Variants in BCAS1 observed in about 807,000 individuals in gnomAD.
The protein encoded by BCAS1 is brain enriched myelin associated protein 1, also known as breast carcinoma-amplified sequence 1.
In BCAS1, 46 loss-of-function variants were observed where a neutral mutation model predicts 65.4. That is an observed-to-expected ratio of 0.70 (90% CI 0.55 to 0.90). BCAS1 has a LOEUF of 0.90. Ranked by LOEUF, BCAS1 falls within the 40% of genes least tolerant of loss-of-function variation. BCAS1 has a pLI of 0.00. For synonymous variants in BCAS1, 298 were observed against 293.5 expected (o/e 1.02, Z -0.16); for missense variants, 793 against 771.2 (o/e 1.03, Z -0.33).
intron 10 of BCAS1, among the ~76,000 whole-genome samples, chr20:53,960,338 G>C (rs1237816362): frequency 6.6e-6 from 1 of 151,894 alleles, no homozygotes; most frequent in Non-Finnish European, 1.5e-5. Context: ...ATTTCTTTGA[G>C]AGCCCTTGGA....
At chr20:54,014,998 C>T (rs1307141958) in intron 4 of BCAS1, among the ~76,000 whole-genome samples, 5 of 151,820 alleles carry the variant, frequency 3.3e-5, no homozygotes, top group Admixed American at 1.3e-4. Flanking sequence ...AATGTGAAGA[C>T]CAATACTAAA....
At chr20:54,041,360 A>G (rs2091987871) in intron 3 of BCAS1, among the ~76,000 whole-genome samples, 1 of 151,638 alleles carries the variant, frequency 6.6e-6, no homozygotes, top group Non-Finnish European at 1.5e-5. Context: ...GAAGAATTAG[A>G]TAAATAAACA....
At chr20:54,059,581 A>T (rs1002214388) in intron 1 of BCAS1, among the ~76,000 whole-genome samples, 1 of 151,876 alleles carries the variant, frequency 6.6e-6, no homozygotes, top group African/African-American at 2.4e-5. Flanking sequence ...ACATATGGTC[A>T]TGTGTCACTT....
intron 3 of BCAS1, among the ~76,000 whole-genome samples, chr20:54,039,317 T>A (rs961464451): frequency 6.6e-6 from 1 of 151,518 alleles, no homozygotes; most frequent in South Asian, 2.1e-4. Flanking sequence ...GCCAAGAAAT[T>A]CTAGCATAAA....
At chr20:53,957,292 G>C in intron 11 of BCAS1, 140 bp downstream of exon 11, 1 of 748,132 alleles carries the variant, frequency 1.3e-6, no homozygotes, top group Non-Finnish European at 2.3e-6. Flanking sequence ...CCCCAACATA[G>C]TTCTTGGCAT....
intron 3 of BCAS1, among the ~76,000 whole-genome samples, chr20:54,036,949 G>A (rs903830866): frequency 2.6e-5 from 4 of 151,180 alleles, no homozygotes; most frequent in Admixed American, 6.6e-5. Flanking sequence ...AAATATTCTC[G>A]TCAAAACAAG....
At chr20:53,954,674 G>A (rs1453521981) in intron 11 of BCAS1, among the ~76,000 whole-genome samples, 1 of 152,154 alleles carries the variant, frequency 6.6e-6, no homozygotes, top group African/African-American at 2.4e-5. Context: ...ATGCAGGCTG[G>A]GGTAAGAATA....
chr20:54,059,750 G>T (rs1344177160), intron 1 of BCAS1, among the ~76,000 whole-genome samples: 2 of 152,130 alleles, frequency 1.3e-5, no homozygotes, highest in African/African-American at 4.8e-5. Flanking sequence ...TGAACACTCT[G>T]GGAAATTGTG....
chr20:54,060,096 C>G (rs185277325), intron 1 of BCAS1, among the ~76,000 whole-genome samples: 252 of 152,300 alleles, frequency 1.7e-3, no homozygotes, highest in Non-Finnish European at 1.0e-3. Context: ...GTTATGACCA[C>G]AGACTCTAGA....
intron 3 of BCAS1, among the ~76,000 whole-genome samples, chr20:54,041,550 AGGAGACAATTGAT>A (rs1282932474): frequency 1.3e-5 from 2 of 152,104 alleles, no homozygotes; most frequent in Non-Finnish European, 2.9e-5. Context: ...TTGGTTAAAA[AGGAGACAATTGAT>A]GACCCCAGTG....
intron 8 of BCAS1, among the ~76,000 whole-genome samples, chr20:53,979,771 T>C (rs532063203): frequency 3.3e-5 from 5 of 152,362 alleles, no homozygotes; most frequent in African/African-American, 1.2e-4. Flanking sequence ...TTCAGCATTC[T>C]ATGAAAATTG....
In BCAS1 at chr20:53,985,353, C is replaced by A; in HGVS notation, c.1209G>T (p.Ala403=). ...CTGATTTCTCCTTGGTGCCTTCCTT[C>A]GCAGGTTCAGGGGTTGTCACGGACT... is the stretch of plus-strand genomic sequence containing the variant. The part of the protein sequence containing the change: ...HTQSVTTPEP[A]KEGTKEKSGP... Residue 403 remains alanine (A), a synonymous_variant, in exon 8 of 13, where the codon GCG becomes GCT. Coordinates refer to ENST00000688948, the MANE Select transcript of BCAS1 (RefSeq NM_001366298.2). 1 of 1,614,050 alleles carries A rather than the reference C, an allele frequency of 6.2e-7. No homozygotes were observed. The highest frequency in any genetic ancestry group is 8.5e-7 in the Non-Finnish European group (1 of 1,179,960).
At chr20:54,043,286 G>A (rs1568913695) in intron 3 of BCAS1, among the ~76,000 whole-genome samples, 1 of 146,762 alleles carries the variant, frequency 6.8e-6, no homozygotes, top group Non-Finnish European at 1.5e-5. Flanking sequence ...ATTGCTTGAA[G>A]CTATGATAAC....
chr20:54,017,162 A>G (rs918036312), intron 4 of BCAS1, among the ~76,000 whole-genome samples: 1 of 152,198 alleles, frequency 6.6e-6, no homozygotes, highest in African/African-American at 2.4e-5. Context: ...TGCTTCCCAT[A>G]TAAAGCTAGT....
chr20:54,022,223 T>G (rs1292095491), intron 4 of BCAS1, among the ~76,000 whole-genome samples: 5 of 152,124 alleles, frequency 3.3e-5, no homozygotes, highest in Non-Finnish European at 1.5e-5. Flanking sequence ...ACCTCTAGGG[T>G]TCTTTTTACA....
chr20:54,069,578 C>G (rs1371773599), intron 1 of BCAS1, among the ~76,000 whole-genome samples: 2 of 152,202 alleles, frequency 1.3e-5, no homozygotes, highest in South Asian at 2.1e-4. Flanking sequence ...GCAGCTCCCT[C>G]TTCACCCAGC....
In BCAS1 at chr20:54,028,934, T is replaced by C; in HGVS notation, c.181A>G (p.Thr61Ala). Residue 61 changes from threonine (T) to alanine (A), a missense_variant, in exon 4 of 13, where the codon ACT becomes GCT. Physicochemically the swap from Thr to Ala is moderately conservative, Grantham distance 58 (BLOSUM62 0). Coordinates refer to ENST00000688948, the MANE Select transcript of BCAS1 (RefSeq NM_001366298.2). Reference protein sequence around the residue: ...GISVKTDNVATSSPETTEISA... With the variant: ...GISVKTDNVAASSPETTEISA... ...ATCTCCGTTGTCTCGGGGGAAGAAG[T>C]GGCCACATTATCCGTCTTGACACTT... is the stretch of plus-strand genomic sequence containing the variant. 7 of 1,613,752 alleles carry C rather than the reference T, an allele frequency of 4.3e-6. No individual in the cohort carries two copies. Among genetic ancestry groups the C allele is most frequent in the Non-Finnish European group, 5.9e-6 (7 of 1,179,948 alleles).
At chr20:54,050,653 C>T (rs1015668211) in intron 3 of BCAS1, among the ~76,000 whole-genome samples, 1 of 152,206 alleles carries the variant, frequency 6.6e-6, no homozygotes, top group Non-Finnish European at 1.5e-5. Context: ...CTGGATGTCA[C>T]CTGCGAGGCC....
At chr20:53,991,380 C>T (rs572761125) in intron 7 of BCAS1, among the ~76,000 whole-genome samples, 34 of 152,284 alleles carry the variant, frequency 2.2e-4, no homozygotes, top group African/African-American at 3.9e-4. Flanking sequence ...AGTCTGCTTA[C>T]GCAAATACAG....
Sources: gnomAD v4.1 joint callset for allele counts (sites outside exome capture counted in the v4.1 genomes callset) on GRCh38, gnomAD v4.1.1 for gene constraint, MANE v1.5 for transcripts, NCBI Gene and HGNC (gene_info 2026-07-23, HGNC 2026-07-21) for gene names.